Variants in FRRS1 observed in about 807,000 individuals in gnomAD.
FRRS1 encodes the protein ferric chelate reductase 1.
In FRRS1, 51 loss-of-function variants were observed where a neutral mutation model predicts 70.7. That is an observed-to-expected ratio of 0.72 (90% confidence interval 0.58 to 0.91). The LOEUF (loss-of-function observed/expected upper bound fraction) is 0.91, where lower values mean the gene tolerates loss of function less well. Ranked by LOEUF, FRRS1 falls within the 40% of genes least tolerant of loss-of-function variation. FRRS1 has a pLI of 0.00. For missense variants in FRRS1, 672 were observed against 726.0 expected (o/e 0.93, Z 0.86); for synonymous variants, 225 against 238.7 (o/e 0.94, Z 0.53).
intron 4 of FRRS1, among the ~76,000 whole-genome samples, chr1:99,742,890 T>C (rs1656044982): frequency 6.6e-6 from 1 of 152,196 alleles, no homozygotes; most frequent in Admixed American, 6.5e-5. Flanking sequence ...TAGATGTGCT[T>C]ATATGTAAAG....
rs763568002 is a variant in FRRS1, at chr1:99,738,067, G to A, written c.759+19C>T. The A allele has an allele frequency of 5.7e-6, 9 of 1,580,108 alleles. No individual in the cohort carries two copies. Among genetic ancestry groups the A allele is most frequent in the Non-Finnish European group, 7.8e-6 (9 of 1,157,996 alleles). On this transcript the variant is annotated intron_variant, in intron 7 of 16. Coordinates refer to ENST00000646001, the MANE Select transcript of FRRS1 (RefSeq NM_001361041.2). Reference sequence around the variant, plus strand: ...TGATTCTCCTTTTGTTACCACTTATGTAAGTGAGAGGTACCAACCATCCAC... The same window carrying A: ...TGATTCTCCTTTTGTTACCACTTATATAAGTGAGAGGTACCAACCATCCAC...
chr1:99,725,375 G>GT (rs1265066751), intron 9 of FRRS1, among the ~76,000 whole-genome samples: 1 of 152,208 alleles, frequency 6.6e-6, no homozygotes, highest in Admixed American at 6.5e-5. Flanking sequence ...ATTGTTCCCT[G>GT]TATCCCCTCG....
intron 4 of FRRS1, among the ~76,000 whole-genome samples, chr1:99,745,073 G>C (rs2100975996): frequency 6.6e-6 from 1 of 151,414 alleles, no homozygotes; most frequent in African/African-American, 2.4e-5. Flanking sequence ...AGAAGTACCC[G>C]ATTTTGGAAA....
At position 99,715,607 on chromosome 1, in the gene FRRS1, T is replaced by C; in HGVS notation, c.1302A>G (p.Ile434Met). 1 of 1,612,034 alleles carries C rather than the reference T, an allele frequency of 6.2e-7. No homozygotes were observed. Among genetic ancestry groups the C allele is most frequent in the African/African-American group, 1.3e-5 (1 of 74,992 alleles). The change falls in exon 12 of 17, where the codon ATA (isoleucine) becomes ATG (methionine). Residue 434 changes from isoleucine to methionine, a missense_variant. Coordinates refer to ENST00000646001, the MANE Select transcript of FRRS1 (RefSeq NM_001361041.2). ...TTACCCTACTCCAGCCTCCCCTGTA[T>C]ATAAACGGCATAACAAAAGCAATGC... ...LTCIAFVMPF[I>M]YRGGWSRHAG...
At chr1:99,721,911 A>G (rs1261157460) in intron 9 of FRRS1, among the ~76,000 whole-genome samples, 1 of 152,034 alleles carries the variant, frequency 6.6e-6, no homozygotes, top group South Asian at 2.1e-4. Context: ...AATTCTTTTT[A>G]ATTAGTCAAA....
chr1:99,733,725 ATAAG>A (rs778949802), intron 7 of FRRS1, among the ~76,000 whole-genome samples: 1 of 152,370 alleles, frequency 6.6e-6, no homozygotes, highest in African/African-American at 2.4e-5. Flanking sequence ...ATGCCAGCTA[ATAAG>A]TAAGTTAGAA....
At chr1:99,717,592 G>A in intron 10 of FRRS1, 67 bp from the exon 11 acceptor site, 3 of 1,041,210 alleles carry the variant, frequency 2.9e-6, no homozygotes, top group Non-Finnish European at 4.5e-6. Context: ...AAATGACCAA[G>A]CCAAATGCTC....
At chr1:99,737,223 A>G (rs1655717339) in intron 7 of FRRS1, among the ~76,000 whole-genome samples, 1 of 152,040 alleles carries the variant, frequency 6.6e-6, no homozygotes, top group African/African-American at 2.4e-5. Context: ...TGCCACCTAC[A>G]GAATCATTTA....
In FRRS1 at chr1:99,704,110, G is replaced by C. The variant is rs1653964846; in HGVS notation, c.*4918C>G. 6.6e-6 allele frequency among the ~76,000 whole-genome samples: 1 copy of C among 152,194 alleles called. No individual in the cohort carries two copies. ...ATGGCAAAGACATCATCAAAAACATGTACGAAGCAAGCACCTTTTGCTGGC... is the reference window on the plus strand; with the variant it reads ...ATGGCAAAGACATCATCAAAAACATCTACGAAGCAAGCACCTTTTGCTGGC... On this transcript the variant is annotated 3_prime_UTR_variant, in exon 17 of 17. Coordinates refer to ENST00000646001, the MANE Select transcript of FRRS1 (RefSeq NM_001361041.2).
At chr1:99,716,149 T>G (rs1654514560) in intron 11 of FRRS1, among the ~76,000 whole-genome samples, 1 of 152,068 alleles carries the variant, frequency 6.6e-6, no homozygotes, top group African/African-American at 2.4e-5. Flanking sequence ...TGATACAAAT[T>G]AGGAGAATAA....
intron 5 of FRRS1, 68 bp from the exon 6 acceptor site, chr1:99,741,008 A>G: frequency 7.2e-7 from 1 of 1,384,464 alleles, no homozygotes; most frequent in Non-Finnish European, 1.0e-6. Flanking sequence ...AAAACGTTAA[A>G]GGAAAAAAAA....
intron 4 of FRRS1, among the ~76,000 whole-genome samples, chr1:99,743,316 C>T (rs1656067195): frequency 6.6e-6 from 1 of 152,174 alleles, no homozygotes; most frequent in Non-Finnish European, 1.5e-5. Context: ...TTTCAAACTA[C>T]AGTTGACCCT....
chr1:99,710,071 A>AT (rs569669610), intron 15 of FRRS1, among the ~76,000 whole-genome samples: 26 of 152,316 alleles, frequency 1.7e-4, no homozygotes, highest in African/African-American at 6.0e-4. Flanking sequence ...AGCAGGACAG[A>AT]TATGTACTAC....
At chr1:99,746,338 T>G (rs1346639818) in intron 4 of FRRS1, among the ~76,000 whole-genome samples, 1 of 152,152 alleles carries the variant, frequency 6.6e-6, no homozygotes, top group Non-Finnish European at 1.5e-5. Flanking sequence ...TCTGGAAGGA[T>G]TACACCATTG....
chr1:99,724,098 G>A (rs1436065734), intron 9 of FRRS1, among the ~76,000 whole-genome samples: 1 of 152,176 alleles, frequency 6.6e-6, no homozygotes, highest in Non-Finnish European at 1.5e-5. Context: ...AAGAAAATGT[G>A]TTTAAACTCT....
At chr1:99,715,173 T>G (rs1654458260) in intron 12 of FRRS1, among the ~76,000 whole-genome samples, 1 of 152,102 alleles carries the variant, frequency 6.6e-6, no homozygotes, top group African/African-American at 2.4e-5. Context: ...TTAAATTAGA[T>G]AACACATATA....
intron 12 of FRRS1, among the ~76,000 whole-genome samples, chr1:99,714,254 G>A (rs1654412615): frequency 6.6e-6 from 1 of 151,222 alleles, no homozygotes; most frequent in African/African-American, 2.4e-5. Context: ...TGCGATCTCA[G>A]CTCACTGCAA....
chr1:99,712,426 A>G lies in FRRS1; in HGVS notation c.1413T>C (p.His471=). ...AGAAAGGCTCTAAGTACCTTGGGTC[A>G]TGTAAAGGTGGCCTGAAGACTGCCA... ...PLLAVFRPPL[H]DPRRQMFNWT... Residue 471 remains histidine, a synonymous_variant, in exon 13 of 17, where the codon CAT becomes CAC. Transcript: ENST00000646001. 1 of 1,605,772 alleles carries G rather than the reference A, an allele frequency of 6.2e-7. No individual in the cohort carries two copies.
At chr1:99,751,497 T>A (rs964457973) in intron 1 of FRRS1, among the ~76,000 whole-genome samples, 15 of 152,138 alleles carry the variant, frequency 9.9e-5, no homozygotes, top group African/African-American at 3.1e-4. Flanking sequence ...AGTGTTTTTT[T>A]AAATCCTGAA....
Sources: gnomAD v4.1 joint callset for allele counts (sites outside exome capture counted in the v4.1 genomes callset) on GRCh38, gnomAD v4.1.1 for gene constraint, MANE v1.5 for transcripts, NCBI Gene and HGNC (gene_info 2026-07-23, HGNC 2026-07-21) for gene names.